The following PTPRD variants were observed in gnomAD, a reference collection of about 807,000 sequenced individuals.
PTPRD encodes protein tyrosine phosphatase receptor type D.
A neutral mutation model predicts 214.5 loss-of-function variants in PTPRD; 34 were observed. The observed-to-expected ratio is 0.16, with a 90% confidence interval of 0.12 to 0.21. The LOEUF (loss-of-function observed/expected upper bound fraction) is 0.21. PTPRD is among the 10% of genes least tolerant of loss of function. The pLI is 1.00. For missense variants in PTPRD, 2,545 were observed against 2,398.7 expected (o/e 1.06, Z -1.27); for synonymous variants, 1,128 against 845.7 (o/e 1.33, Z -5.79).
intron 14 of PTPRD, among the ~76,000 whole-genome samples, chr9:8,584,095 A>T (rs1372461720): frequency 6.6e-6 from 1 of 152,196 alleles, no homozygotes; most frequent in African/African-American, 2.4e-5. Flanking sequence ...TCGAGGCTGT[A>T]GTGAGCCATG....
intron 9 of PTPRD, among the ~76,000 whole-genome samples, chr9:9,318,827 T>A (rs1964840927): frequency 1.3e-5 from 2 of 152,170 alleles, no homozygotes; most frequent in South Asian, 4.1e-4. Flanking sequence ...AGCTCCTTGT[T>A]GACGTTCAAA....
At chr9:8,715,038 T>A (rs1040936963) in intron 12 of PTPRD, among the ~76,000 whole-genome samples, 2 of 151,604 alleles carry the variant, frequency 1.3e-5, no homozygotes, top group African/African-American at 4.9e-5. Flanking sequence ...TAAGGACCTA[T>A]ATACAAGACA....
chr9:9,950,830 CATTTTTCCTT>C (rs2093385870), intron 4 of PTPRD, among the ~76,000 whole-genome samples: 1 of 149,308 alleles, frequency 6.7e-6, no homozygotes, highest in African/African-American at 2.4e-5. Flanking sequence ...TTATTTTCCT[CATTTTTCCTT>C]CCCTCATTCC....
chr9:8,483,197 G>T (rs1440409080), intron 30 of PTPRD, among the ~76,000 whole-genome samples: 6 of 152,198 alleles, frequency 3.9e-5, no homozygotes, highest in African/African-American at 1.4e-4. Context: ...CTTCAGGCCT[G>T]TTGGCCTCTA....
chr9:10,246,792 G>T (rs2092177364), intron 3 of PTPRD, among the ~76,000 whole-genome samples: 1 of 151,746 alleles, frequency 6.6e-6, no homozygotes, highest in Admixed American at 6.6e-5. Context: ...TACTCGAGAG[G>T]CTGAGGCAGG....
At chr9:8,896,362 A>T (rs532396694) in intron 11 of PTPRD, among the ~76,000 whole-genome samples, 1 of 152,302 alleles carries the variant, frequency 6.6e-6, no homozygotes, top group African/African-American at 2.4e-5. Flanking sequence ...TTAAAATAAT[A>T]CAGAAGAACA....
At chr9:8,519,830 A>G (rs2097855174) in intron 20 of PTPRD, among the ~76,000 whole-genome samples, 1 of 152,202 alleles carries the variant, frequency 6.6e-6, no homozygotes, top group African/African-American at 2.4e-5. Context: ...CAGGAAAACA[A>G]AGATGAGAAG....
intron 8 of PTPRD, among the ~76,000 whole-genome samples, chr9:9,473,533 G>C (rs1010332929): frequency 3.9e-5 from 6 of 152,074 alleles, no homozygotes; most frequent in Admixed American, 1.3e-4. Flanking sequence ...TCTATTTTTA[G>C]TTATCTAAGA....
intron 12 of PTPRD, among the ~76,000 whole-genome samples, chr9:8,704,350 G>T (rs1205031985): frequency 6.6e-6 from 1 of 152,096 alleles, no homozygotes; most frequent in African/African-American, 2.4e-5. Flanking sequence ...AATGACGGAA[G>T]AAAGGAAGGA....
intron 11 of PTPRD, among the ~76,000 whole-genome samples, chr9:8,796,065 T>G (rs892717270): frequency 6.6e-6 from 1 of 152,196 alleles, no homozygotes; most frequent in Non-Finnish European, 1.5e-5. Context: ...AACAAAAACG[T>G]ATGAAGTTAA....
chr9:8,606,487 A>G (rs1255661794), intron 14 of PTPRD, among the ~76,000 whole-genome samples: 1 of 152,206 alleles, frequency 6.6e-6, no homozygotes, highest in Non-Finnish European at 1.5e-5. Context: ...TCAAGAATCC[A>G]GACCATATGA....
chr9:9,821,260 AT>A (rs1170272029), intron 5 of PTPRD, among the ~76,000 whole-genome samples: 2 of 152,228 alleles, frequency 1.3e-5, no homozygotes, highest in East Asian at 3.9e-4. Context: ...TGTAACATTG[AT>A]TTTGTACCCT....
intron 9 of PTPRD, among the ~76,000 whole-genome samples, chr9:9,295,883 C>T (rs555440805): frequency 2.7e-4 from 41 of 151,964 alleles, no homozygotes; most frequent in Non-Finnish European, 3.7e-4. Context: ...GCCCCATTTT[C>T]ACATTGTAAA....
chr9:9,905,149 CACG>C (rs1363579632), intron 5 of PTPRD, among the ~76,000 whole-genome samples: 7 of 151,948 alleles, frequency 4.6e-5, no homozygotes, highest in Admixed American at 1.3e-4. Context: ...CGTACTTGAA[CACG>C]ACATTTTTTT....
chr9:9,951,974 AC>A (rs2093494720), intron 4 of PTPRD, among the ~76,000 whole-genome samples: 1 of 152,172 alleles, frequency 6.6e-6, no homozygotes. Flanking sequence ...TGTTGGAATC[AC>A]CCCCTTGAAG....
chr9:10,371,353 ATATTAG>A (rs2097612785), intron 2 of PTPRD, among the ~76,000 whole-genome samples: 1 of 152,038 alleles, frequency 6.6e-6, no homozygotes. Context: ...GTTGAACTGC[ATATTAG>A]TATTATGTTT....
At chr9:10,400,104 C>G (rs909191735) in intron 2 of PTPRD, among the ~76,000 whole-genome samples, 2 of 151,786 alleles carry the variant, frequency 1.3e-5, no homozygotes. Context: ...CATGTGTTCA[C>G]AGAAGCCAGA....
intron 2 of PTPRD, among the ~76,000 whole-genome samples, chr9:10,409,258 G>C (rs1039974127): frequency 4.6e-5 from 7 of 151,664 alleles, no homozygotes; most frequent in Non-Finnish European, 7.4e-5. Flanking sequence ...AGAAAATCTA[G>C]AAAACTCTCC....
intron 11 of PTPRD, 137 bp from the exon 12 acceptor site, chr9:8,734,083 T>G (rs1041265224): frequency 1.8e-6 from 1 of 556,190 alleles, no homozygotes; most frequent in African/African-American, 1.9e-5. Flanking sequence ...ATTGTAACTG[T>G]CATACTTTGT....
Sources: allele counts gnomAD v4.1 joint callset (sites outside exome capture counted in the v4.1 genomes callset), GRCh38; gene constraint gnomAD v4.1.1; transcripts MANE v1.5; gene names NCBI Gene and HGNC (gene_info 2026-07-23, HGNC 2026-07-21).